GPHN: variants seen among roughly 807,000 people sequenced by gnomAD.
The protein encoded by GPHN is gephyrin.
Under a neutral mutation model 95.5 loss-of-function variants are expected in GPHN, and 17 were observed. That is an observed-to-expected ratio of 0.18 (90% CI 0.12 to 0.27). The LOEUF (loss-of-function observed/expected upper bound fraction) is 0.27, where lower values mean the gene tolerates loss of function less well. Among genes scored for constraint, GPHN ranks in the 10% least tolerant of loss-of-function variants. GPHN has a pLI of 1.00. For synonymous variants in GPHN, 320 were observed against 322.5 expected, an observed-to-expected ratio of 0.99 and a Z score of 0.08; for missense variants, 660 against 978.1, an observed-to-expected ratio of 0.67 and a Z score of 4.34.
At chr14:67,174,006 GA>G (rs2082752131) in intron 21 of GPHN, among the ~76,000 whole-genome samples, 1 of 151,936 alleles carries the variant, frequency 6.6e-6, no homozygotes, top group African/African-American at 2.4e-5. Context: ...CTCTGAAGGG[GA>G]AAAAAAGAAA....
At chr14:66,868,638 C>T (rs2063319283) in intron 4 of GPHN, among the ~76,000 whole-genome samples, 1 of 152,150 alleles carries the variant, frequency 6.6e-6, no homozygotes, top group Non-Finnish European at 1.5e-5. Flanking sequence ...AAGTGATCCG[C>T]CCACCTTGGC....
the GPHN span, among the ~76,000 whole-genome samples, chr14:67,460,880 G>C: frequency 6.6e-6 from 1 of 152,136 alleles, no homozygotes; most frequent in South Asian, 2.1e-4. Flanking sequence ...CCATGGGTTC[G>C]GGGTAAGGGA....
chr14:66,949,462 TAGAAA>T (rs1237651535), intron 8 of GPHN, among the ~76,000 whole-genome samples: 1 of 152,182 alleles, frequency 6.6e-6, no homozygotes, highest in African/African-American at 2.4e-5. Context: ...ATAGGATTTA[TAGAAA>T]ATGCAGCCTA....
At chr14:67,641,742 C>A in the GPHN span, among the ~76,000 whole-genome samples, 1 of 152,090 alleles carries the variant, frequency 6.6e-6, no homozygotes, top group Non-Finnish European at 1.5e-5. Context: ...AAGTTTGAGA[C>A]CAGCTGGGGC....
chr14:67,612,576 C>T, the GPHN span, among the ~76,000 whole-genome samples: 5 of 152,000 alleles, frequency 3.3e-5, no homozygotes, highest in African/African-American at 7.3e-5. Flanking sequence ...AGCAAGGTAC[C>T]TATAGATAAA....
chr14:66,524,356 G>T (rs1328756347), intron 1 of GPHN, among the ~76,000 whole-genome samples: 1 of 151,938 alleles, frequency 6.6e-6, no homozygotes, highest in Admixed American at 6.6e-5. Context: ...AATGATTTGG[G>T]GCATAAGGGA....
At chr14:67,576,627 G>A in the GPHN span, 1 of 557,184 alleles carries the variant, frequency 1.8e-6, no homozygotes, top group South Asian at 2.2e-5. The surrounding 1 kb of genome is among the most constrained non-coding windows in gnomAD (Gnocchi z 4.0). Flanking sequence ...AGCCACAGAG[G>A]GGAAGTTCCC....
At chr14:66,607,126 A>G (rs1029737550) in intron 1 of GPHN, among the ~76,000 whole-genome samples, 36 of 151,986 alleles carry the variant, frequency 2.4e-4, no homozygotes, top group African/African-American at 8.7e-4. Flanking sequence ...TTTCATTCTT[A>G]TTATTGTGAG....
intron 18 of GPHN, among the ~76,000 whole-genome samples, chr14:67,152,731 C>T (rs1018528568): frequency 3.3e-5 from 5 of 152,182 alleles, no homozygotes; most frequent in Non-Finnish European, 5.9e-5. Flanking sequence ...CTTTGGTAGG[C>T]CGAGGCGGGC....
At chr14:66,687,817 A>C (rs1013967953) in intron 2 of GPHN, among the ~76,000 whole-genome samples, 6 of 152,162 alleles carry the variant, frequency 3.9e-5, no homozygotes, top group African/African-American at 7.2e-5. Context: ...TCATAAACAT[A>C]GGATGTGTTT....
chr14:67,701,299 A>G, the GPHN span, among the ~76,000 whole-genome samples: 1 of 151,928 alleles, frequency 6.6e-6, no homozygotes, highest in East Asian at 1.9e-4. Flanking sequence ...ATACTTTAAG[A>G]CAATGTTATT....
chr14:66,592,975 A>G (rs2061820836), intron 1 of GPHN, among the ~76,000 whole-genome samples: 1 of 152,264 alleles, frequency 6.6e-6, no homozygotes, highest in Non-Finnish European at 1.5e-5. Context: ...AGCCATAAAA[A>G]CGATGAGTTC....
chr14:67,044,213 C>T (rs535600783), intron 10 of GPHN, among the ~76,000 whole-genome samples: 11 of 152,014 alleles, frequency 7.2e-5, no homozygotes, highest in South Asian at 2.1e-4. Flanking sequence ...GACACATACC[C>T]GTAATCCCAG....
At chr14:66,537,632 C>G (rs1173793769) in intron 1 of GPHN, among the ~76,000 whole-genome samples, 4 of 152,024 alleles carry the variant, frequency 2.6e-5, no homozygotes, top group African/African-American at 9.7e-5. Flanking sequence ...CATGTGTACC[C>G]TTTCTAATGC....
intron 9 of GPHN, among the ~76,000 whole-genome samples, chr14:66,988,187 G>A (rs1270181248): frequency 2.0e-5 from 3 of 151,958 alleles, no homozygotes; most frequent in Non-Finnish European, 2.9e-5. Context: ...AATTAGCAGG[G>A]TAGAGGACCC....
At chr14:67,532,423 C>T in the GPHN span, among the ~76,000 whole-genome samples, 1 of 152,164 alleles carries the variant, frequency 6.6e-6, no homozygotes, top group African/African-American at 2.4e-5. Flanking sequence ...CTTCTTTACT[C>T]CAGGCTCACC....
the GPHN span, among the ~76,000 whole-genome samples, chr14:67,346,457 G>T: frequency 6.6e-6 from 1 of 152,108 alleles, no homozygotes; most frequent in Non-Finnish European, 1.5e-5. Context: ...GACCACAGGC[G>T]CATGCCACCA....
intron 21 of GPHN, among the ~76,000 whole-genome samples, chr14:67,179,204 G>A (rs547935135): frequency 5.9e-5 from 9 of 152,070 alleles, no homozygotes; most frequent in Non-Finnish European, 7.4e-5. Flanking sequence ...GAGCAACATA[G>A]CAAGATGCCA....
chr14:67,555,642 T>C, the GPHN span, among the ~76,000 whole-genome samples: 1 of 152,170 alleles, frequency 6.6e-6, no homozygotes, highest in Non-Finnish European at 1.5e-5. Context: ...CCCCATGAAC[T>C]CAGGATTAGG....
Sources: gnomAD v4.1 joint callset for allele counts (sites outside exome capture counted in the v4.1 genomes callset) on GRCh38, gnomAD v4.1.1 for gene constraint, Gnocchi (gnomAD v3.1) non-coding constraint, MANE v1.5 for transcripts, NCBI Gene and HGNC (gene_info 2026-07-23, HGNC 2026-07-21) for gene names.